Variants in LRRTM4 observed in about 807,000 individuals in gnomAD.
LRRTM4 encodes leucine rich repeat transmembrane neuronal 4, also known as leucine-rich repeat transmembrane neuronal protein 4.
Under a neutral mutation model 47.6 loss-of-function variants are expected in LRRTM4, and 25 were observed. That is an observed-to-expected ratio of 0.53 (90% CI 0.38 to 0.73). LRRTM4 has a LOEUF of 0.73. LRRTM4 is among the 30% of genes least tolerant of loss of function. LRRTM4 has a pLI of 0.00. For synonymous variants in LRRTM4, 311 were observed against 269.5 expected (o/e 1.15, Z -1.51); for missense variants, 638 against 713.4 (o/e 0.89, Z 1.20).
chr2:77,281,458 A>G (rs1031983121), intron 3 of LRRTM4, among the ~76,000 whole-genome samples: 2 of 151,994 alleles, frequency 1.3e-5, no homozygotes, highest in African/African-American at 4.8e-5. Context: ...CTTCTGAAGA[A>G]CAATGAGCTA....
chr2:76,953,147 A>C (rs1675552718), intron 3 of LRRTM4, among the ~76,000 whole-genome samples: 2 of 126,652 alleles, frequency 1.6e-5, no homozygotes, highest in Middle Eastern at 3.8e-3. Flanking sequence ...TATCTAAAAT[A>C]AAATTTGAAA....
At position 76,902,234 on chromosome 2, in the gene LRRTM4, T is replaced by A. The variant is rs1673661761; in HGVS notation, c.1552-153318A>T. ...TCTATTTTTTACAGCACTCTGGCCC[T>A]CTGGCTACACCCAGATATTCCTGTT... On this transcript the variant is annotated intron_variant, in intron 3 of 3. Coordinates refer to ENST00000409884, the MANE Select transcript of LRRTM4 (RefSeq NM_001134745.3). 2.0e-5 allele frequency among the ~76,000 whole-genome samples: 3 copies of A among 152,204 alleles called. No homozygotes were observed. In the South Asian group the frequency reaches 6.2e-4, roughly 31 times the overall value.
At chr2:77,170,845 T>C (rs1266698719) in intron 3 of LRRTM4, among the ~76,000 whole-genome samples, 1 of 150,994 alleles carries the variant, frequency 6.6e-6, no homozygotes, top group Non-Finnish European at 1.5e-5. Flanking sequence ...AAACCTTATA[T>C]ATATATATAT....
intron 3 of LRRTM4, among the ~76,000 whole-genome samples, chr2:77,426,948 T>C (rs2103895408): frequency 6.6e-6 from 1 of 151,494 alleles, no homozygotes; most frequent in Middle Eastern, 3.4e-3. Context: ...TATTCCCCTT[T>C]ATTCTTTAAG....
rs2104282501 is a variant in LRRTM4, at chr2:77,344,187, C to G, written c.1551+174131G>C. Among the ~76,000 whole-genome samples, 2 of 151,720 alleles carry G rather than the reference C, an allele frequency of 1.3e-5. 1 individual carries two copies. The highest frequency in any genetic ancestry group is 4.2e-4 in the South Asian group (2 of 4,810). On this transcript the variant is annotated intron_variant, in intron 3 of 3. Coordinates refer to ENST00000409884, the MANE Select transcript of LRRTM4 (RefSeq NM_001134745.3). Reference sequence around the variant, plus strand: ...ATATTCAAGAAACAAGTCAAAAGAACATGAAAAATAACAATGAAAATCTTA... The same window carrying G: ...ATATTCAAGAAACAAGTCAAAAGAAGATGAAAAATAACAATGAAAATCTTA...
intron 3 of LRRTM4, among the ~76,000 whole-genome samples, chr2:77,516,309 C>G (rs1279508929): frequency 6.6e-6 from 1 of 151,674 alleles, no homozygotes; most frequent in Non-Finnish European, 1.5e-5. Context: ...ATTAAATGAA[C>G]CATCTTTTAA....
chr2:77,036,490 C>T lies in LRRTM4; in HGVS notation c.1552-287574G>A, dbSNP rs1246573586. Among the ~76,000 whole-genome samples, 9 of 151,650 alleles carry T rather than the reference C, an allele frequency of 5.9e-5. No individual in the cohort carries two copies. In the Admixed American group the frequency reaches 5.9e-4, roughly 10 times the overall value. On this transcript the variant is annotated intron_variant, in intron 3 of 3. Transcript: ENST00000409884. Reference sequence around the variant, plus strand: ...CATCCTTTACAGAACTATTGTTGACCAGCCCAGTAAAAGAGGATTTCTATC... The same window carrying T: ...CATCCTTTACAGAACTATTGTTGACTAGCCCAGTAAAAGAGGATTTCTATC...
At chr2:77,489,207 G>C (rs1227087752) in intron 3 of LRRTM4, among the ~76,000 whole-genome samples, 1 of 152,010 alleles carries the variant, frequency 6.6e-6, no homozygotes, top group Non-Finnish European at 1.5e-5. Context: ...CTCTTGTCCA[G>C]AAGACTATAA....
chr2:76,794,693 TTGACATTAG>T (rs1675171202), intron 3 of LRRTM4, among the ~76,000 whole-genome samples: 1 of 152,332 alleles, frequency 6.6e-6, no homozygotes, highest in South Asian at 2.1e-4. Context: ...TTTTTCAAAC[TTGACATTAG>T]TGACATTTTT....
chr2:76,973,957 C>A (rs2103947598), intron 3 of LRRTM4, among the ~76,000 whole-genome samples: 1 of 151,596 alleles, frequency 6.6e-6, no homozygotes, highest in Non-Finnish European at 1.5e-5. Context: ...AAACAAATGC[C>A]TGTCATTTTC....
intron 3 of LRRTM4, among the ~76,000 whole-genome samples, chr2:76,756,676 C>G (rs1369171786): frequency 6.6e-6 from 1 of 152,066 alleles, no homozygotes; most frequent in African/African-American, 2.4e-5. Context: ...TTCATCAAAC[C>G]AAACCTCTCT....
At chr2:77,248,336 T>C (rs539885993) in intron 3 of LRRTM4, among the ~76,000 whole-genome samples, 36 of 152,020 alleles carry the variant, frequency 2.4e-4, no homozygotes, top group Non-Finnish European at 3.4e-4. Context: ...TAGATATAAA[T>C]CTAACAAAGC....
At chr2:77,361,372 C>T (rs1357878851) in intron 3 of LRRTM4, among the ~76,000 whole-genome samples, 1 of 152,096 alleles carries the variant, frequency 6.6e-6, no homozygotes, top group South Asian at 2.1e-4. Context: ...CTAAACTCTA[C>T]CCCTTTTTAA....
At chr2:77,183,771 T>C (rs1673420645) in intron 3 of LRRTM4, among the ~76,000 whole-genome samples, 3 of 152,202 alleles carry the variant, frequency 2.0e-5, no homozygotes, top group Non-Finnish European at 2.9e-5. Context: ...AATGAGTTCA[T>C]GTCCTTTGTA....
chr2:77,253,139 A>C (rs921734951), intron 3 of LRRTM4, among the ~76,000 whole-genome samples: 12 of 152,146 alleles, frequency 7.9e-5, no homozygotes, highest in African/African-American at 2.9e-4. Flanking sequence ...GTCCTAATAC[A>C]TTGGCCTTAA....
chr2:77,076,214 A>G (rs1202065917), intron 3 of LRRTM4, among the ~76,000 whole-genome samples: 1 of 152,136 alleles, frequency 6.6e-6, no homozygotes, highest in Non-Finnish European at 1.5e-5. Context: ...ACTTAGCAGA[A>G]CTTACACTGT....
intron 3 of LRRTM4, among the ~76,000 whole-genome samples, chr2:76,839,558 A>G (rs1439457429): frequency 6.6e-6 from 1 of 152,114 alleles, no homozygotes; most frequent in Non-Finnish European, 1.5e-5. Context: ...CCAACCTGCT[A>G]GCTCATTTTG....
At chr2:77,370,653 C>G (rs1355580751) in intron 3 of LRRTM4, among the ~76,000 whole-genome samples, 1 of 151,654 alleles carries the variant, frequency 6.6e-6, no homozygotes, top group African/African-American at 2.4e-5. Context: ...ATTGATGTAG[C>G]TATCTGCCAA....
At chr2:77,101,054 C>G (rs1670939846) in intron 3 of LRRTM4, among the ~76,000 whole-genome samples, 1 of 151,968 alleles carries the variant, frequency 6.6e-6, no homozygotes, top group African/African-American at 2.4e-5. Context: ...CCAGGATGGT[C>G]TTGATCTCCT....
Sources: gnomAD v4.1 joint callset for allele counts (sites outside exome capture counted in the v4.1 genomes callset) on GRCh38, gnomAD v4.1.1 for gene constraint, MANE v1.5 for transcripts, NCBI Gene and HGNC (gene_info 2026-07-23, HGNC 2026-07-21) for gene names.